RANBP2: variants seen among roughly 807,000 people sequenced by gnomAD.
RANBP2 encodes RAN binding protein 2.
Under a neutral mutation model 303.6 loss-of-function variants are expected in RANBP2, and 57 were observed. That is an observed-to-expected ratio of 0.19 (90% CI 0.15 to 0.23). RANBP2 has a LOEUF of 0.23. Ranked by LOEUF, RANBP2 falls within the 10% of genes least tolerant of loss-of-function variation. The pLI, the probability that RANBP2 is intolerant of heterozygous loss-of-function variation, is 1.00. For synonymous variants in RANBP2, 1,167 were observed against 1,301.5 expected (o/e 0.90, Z 2.23); for missense variants, 3,138 against 3,780.8 (o/e 0.83, Z 4.46).
At chr2:108,910,099 G>A in the RANBP2 span, among the ~76,000 whole-genome samples, 724 of 152,334 alleles carry the variant, frequency 4.8e-3, 7 homozygotes, top group South Asian at 0.021. Context: ...TACTGGCACC[G>A]GCACGGGTGG....
At chr2:109,418,375 GC>G in the RANBP2 span, among the ~76,000 whole-genome samples, 1 of 152,202 alleles carries the variant, frequency 6.6e-6, no homozygotes, top group Non-Finnish European at 1.5e-5. Context: ...TTCTCTCACA[GC>G]TCTAGAGGTC....
At chr2:108,843,074 C>G in the RANBP2 span, among the ~76,000 whole-genome samples, 20 of 151,928 alleles carry the variant, frequency 1.3e-4, no homozygotes, top group African/African-American at 4.9e-4. Flanking sequence ...GTTCTTCTCT[C>G]CTTCCAGATG....
chr2:109,557,851 C>CTTT, the RANBP2 span, among the ~76,000 whole-genome samples: 98 of 140,792 alleles, frequency 7.0e-4, 3 homozygotes, highest in South Asian at 2.7e-3. Flanking sequence ...TCATAATTTT[C>CTTT]TTTTTTTTTT....
chr2:109,565,611 A>G, the RANBP2 span: 1 of 665,726 alleles, frequency 1.5e-6, no homozygotes, highest in East Asian at 2.6e-5. Flanking sequence ...GAGGCTCTAC[A>G]CGGCCTCCAG....
the RANBP2 span, chr2:109,667,187 G>T: frequency 7.6e-7 from 1 of 1,311,952 alleles, no homozygotes; most frequent in East Asian, 2.3e-5. Context: ...CAAAAGCCTT[G>T]CAGAAAGCCT....
chr2:109,162,171 C>T, the RANBP2 span, among the ~76,000 whole-genome samples: 10 of 152,270 alleles, frequency 6.6e-5, no homozygotes, highest in East Asian at 1.9e-4. Flanking sequence ...CCTGGAAAGA[C>T]GCCAGGACAG....
chr2:108,928,356 G>A, the RANBP2 span, among the ~76,000 whole-genome samples: 1 of 152,140 alleles, frequency 6.6e-6, no homozygotes, highest in African/African-American at 2.4e-5. Context: ...GCCATGAGGT[G>A]AGAGGTCCTT....
At chr2:109,137,748 C>T in the RANBP2 span, among the ~76,000 whole-genome samples, 11 of 152,338 alleles carry the variant, frequency 7.2e-5, no homozygotes, top group South Asian at 2.1e-4. Context: ...AGACACCACC[C>T]GTCCTGATCA....
chr2:108,822,729 T>G, the RANBP2 span, among the ~76,000 whole-genome samples: 4 of 152,146 alleles, frequency 2.6e-5, no homozygotes, highest in Admixed American at 6.6e-5. Context: ...CCAAGGAAAA[T>G]TGGCAAATAC....
chr2:109,185,112 G>A, the RANBP2 span, among the ~76,000 whole-genome samples: 4 of 152,136 alleles, frequency 2.6e-5, no homozygotes, highest in Non-Finnish European at 5.9e-5. Context: ...GATTAGAGTG[G>A]AATATATTCA....
the RANBP2 span, among the ~76,000 whole-genome samples, chr2:109,665,909 C>T: frequency 1.2e-4 from 18 of 151,896 alleles, no homozygotes; most frequent in Admixed American, 5.9e-4. Flanking sequence ...GTCAGGAGTT[C>T]AAGACCAGCC....
the RANBP2 span, among the ~76,000 whole-genome samples, chr2:109,075,487 A>G: frequency 6.7e-6 from 1 of 149,896 alleles, no homozygotes; most frequent in Non-Finnish European, 1.5e-5. Context: ...TGGCCTCCCA[A>G]AGTGCTGGGA....
At chr2:109,206,738 C>T in the RANBP2 span, among the ~76,000 whole-genome samples, 11 of 152,074 alleles carry the variant, frequency 7.2e-5, no homozygotes, top group Admixed American at 2.6e-4. Flanking sequence ...ATTGCTTAAG[C>T]CCAGGAGTTC....
chr2:109,303,671 C>T, the RANBP2 span, among the ~76,000 whole-genome samples: 13 of 152,298 alleles, frequency 8.5e-5, no homozygotes, highest in East Asian at 5.8e-4. Flanking sequence ...TGCCCACATT[C>T]GGGTTTTGTT....
chr2:109,148,910 C>CA, the RANBP2 span, among the ~76,000 whole-genome samples: 4 of 151,532 alleles, frequency 2.6e-5, no homozygotes, highest in African/African-American at 4.9e-5. Context: ...TGGTTTTACC[C>CA]AAAAAAAATC....
At chr2:108,770,631 A>C (rs3954219) in intron 20 of RANBP2, among the ~76,000 whole-genome samples, 3 of 152,220 alleles carry the variant, frequency 2.0e-5, no homozygotes, top group Admixed American at 6.5e-5. Context: ...CAAATAAATA[A>C]ATAAATAAAT....
chr2:108,971,010 C>T, the RANBP2 span, among the ~76,000 whole-genome samples: 8 of 152,278 alleles, frequency 5.3e-5, no homozygotes, highest in South Asian at 1.4e-3. Flanking sequence ...CTGTGTCCTG[C>T]TGTGGACCTG....
At chr2:109,734,951 C>T in the RANBP2 span, among the ~76,000 whole-genome samples, 1 of 152,004 alleles carries the variant, frequency 6.6e-6, no homozygotes, top group Non-Finnish European at 1.5e-5. Flanking sequence ...GTTTGATGCT[C>T]AAATCAGGGT....
the RANBP2 span, among the ~76,000 whole-genome samples, chr2:108,985,266 C>T: frequency 3.3e-5 from 5 of 152,186 alleles, no homozygotes; most frequent in Admixed American, 3.3e-4. Context: ...CACTGCGGGC[C>T]TCAGGGCTGT....
Sources: gnomAD v4.1 joint callset for allele counts (sites outside exome capture counted in the v4.1 genomes callset) on GRCh38, gnomAD v4.1.1 for gene constraint, MANE v1.5 for transcripts, NCBI Gene and HGNC (gene_info 2026-07-23, HGNC 2026-07-21) for gene names.